RASGRF1: variants seen among roughly 807,000 people sequenced by gnomAD.
The protein encoded by RASGRF1 is ras-specific guanine nucleotide-releasing factor 1.
In RASGRF1, 40 loss-of-function variants were observed where a neutral mutation model predicts 138.7. The ratio of observed to expected loss-of-function variants is 0.29; its 90% CI spans 0.22 to 0.38. RASGRF1 has a LOEUF of 0.38. RASGRF1 is among the 10% of genes least tolerant of loss of function. The pLI is 1.00. For missense variants in RASGRF1, 1,108 were observed against 1,650.4 expected, an observed-to-expected ratio of 0.67 and a Z score of 5.69; for synonymous variants, 614 against 663.2, an observed-to-expected ratio of 0.93 and a Z score of 1.14.
In RASGRF1 at chr15:79,049,562, C is replaced by G; in HGVS notation, c.558G>C (p.Glu186Asp). The G allele has an allele frequency of 6.2e-7, 1 of 1,613,884 alleles. No homozygotes were observed. The highest frequency in any genetic ancestry group is 8.5e-7 in the Non-Finnish European group (1 of 1,179,934). The change falls in exon 4 of 27, where the codon GAG becomes GAC. Residue 186 changes from glutamate (E) to aspartate (D), a missense_variant. Transcript: ENST00000558480. Reference sequence around the variant, plus strand: ...CGACAGTCTGGGTGGACTGGATGCGCTCATTGTCCTTGAGCAGGGATGTGA... The same window carrying G: ...CGACAGTCTGGGTGGACTGGATGCGGTCATTGTCCTTGAGCAGGGATGTGA... ...AEITSLLKDN[E>D]RIQSTQTVAP...
intron 13 of RASGRF1, chr15:79,012,466 T>C (rs1405427831): frequency 2.0e-6 from 3 of 1,482,716 alleles, no homozygotes; most frequent in Middle Eastern, 1.7e-4. Flanking sequence ...AAACGATGAA[T>C]TTCCCGAGGA....
chr15:79,059,317 TCCTTC>T (rs1314330584), intron 2 of RASGRF1, among the ~76,000 whole-genome samples: 91 of 89,084 alleles, frequency 1.0e-3, no homozygotes, highest in Non-Finnish European at 1.5e-3. Context: ...CCCTTCCCTA[TCCTTC>T]CCTTCCCTTC....
rs987752735 is a variant in RASGRF1, at chr15:78,960,014, G to A, written c.*2130C>T. On this transcript the variant is annotated 3_prime_UTR_variant, in exon 27 of 27. Transcript: ENST00000558480. ...CCATTTTCATCCCCATTTTTCAGATGAGAACAGTGAAGCTCTGAGAGGTTA... is the reference window on the plus strand; with the variant it reads ...CCATTTTCATCCCCATTTTTCAGATAAGAACAGTGAAGCTCTGAGAGGTTA... The A allele has an allele frequency of 6.6e-6, 1 of 152,140 alleles. No individual in the cohort carries two copies. Among genetic ancestry groups the A allele is most frequent in the African/African-American group, 2.4e-5 (1 of 41,426 alleles). The allele number at this position is 152,140 out of a possible 1,614,324, so 9.4% of individuals were successfully genotyped here.
At chr15:78,986,349 CTCTT>C (rs1376370933) in intron 22 of RASGRF1, among the ~76,000 whole-genome samples, 1 of 151,286 alleles carries the variant, frequency 6.6e-6, no homozygotes, top group East Asian at 1.9e-4. Flanking sequence ...CTTTCTAAGA[CTCTT>C]TTTTTTTTTT....
intron 23 of RASGRF1, among the ~76,000 whole-genome samples, chr15:78,982,358 G>A (rs567773421): frequency 6.6e-6 from 1 of 152,296 alleles, no homozygotes; most frequent in South Asian, 2.1e-4. Flanking sequence ...CGTGCTTGCT[G>A]TGTATGGATG....
chr15:79,055,408 G>T lies in RASGRF1; in HGVS notation c.531+2926C>A, dbSNP rs980893274. Reference sequence around the variant, plus strand: ...AGGGGGACAGAGAGAGAAACAGAGAGAGAGAGAGACAGAGAGAGACCAAGA... The same window carrying T: ...AGGGGGACAGAGAGAGAAACAGAGATAGAGAGAGACAGAGAGAGACCAAGA... On this transcript the variant is annotated intron_variant, in intron 3 of 26. Coordinates refer to ENST00000558480, the MANE Select transcript of RASGRF1 (RefSeq NM_001145648.3). Among the ~76,000 whole-genome samples, 3 of 152,186 alleles carry T rather than the reference G, an allele frequency of 2.0e-5. 1 individual carries two copies. Among genetic ancestry groups the T allele is most frequent in the Admixed American group, 2.0e-4 (3 of 15,282 alleles).
At chr15:79,022,049 T>C (rs1220415005) in intron 10 of RASGRF1, among the ~76,000 whole-genome samples, 1 of 152,228 alleles carries the variant, frequency 6.6e-6, no homozygotes, top group Non-Finnish European at 1.5e-5. Context: ...GATGAGGCCA[T>C]GTGACTTGTC....
rs960180442 is a variant in RASGRF1 at position 79,064,651 on chromosome 15, T to C, written c.277-125A>G. ...CATCAGCTAGGCACAGATTCCTTGT[T>C]TGTGATAATCAGAATGCCATTCTAT... On this transcript the variant is annotated intron_variant, in intron 1 of 26. Transcript: ENST00000558480. 6.3e-5 allele frequency: 56 copies of C among 883,118 alleles called. 1 individual carries two copies. Among genetic ancestry groups the C allele is most frequent in the South Asian group, 5.1e-4 (36 of 70,764 alleles). The allele number at this position is 883,118 out of a possible 1,614,324, so 54.7% of individuals were successfully genotyped here.
intron 24 of RASGRF1, among the ~76,000 whole-genome samples, chr15:78,978,204 C>A (rs1340802132): frequency 7.4e-6 from 1 of 134,372 alleles, no homozygotes; most frequent in African/African-American, 3.2e-5. Context: ...TCTTCTTTTT[C>A]TTTTTCTTTT....
intron 4 of RASGRF1, among the ~76,000 whole-genome samples, chr15:79,048,058 G>A (rs1011265670): frequency 1.3e-5 from 2 of 152,306 alleles, no homozygotes; most frequent in East Asian, 3.9e-4. Flanking sequence ...AGCGATGGGA[G>A]GTGGATTTCA....
intron 13 of RASGRF1, among the ~76,000 whole-genome samples, chr15:79,011,984 C>T (rs2056803691): frequency 6.6e-6 from 1 of 151,854 alleles, no homozygotes; most frequent in Non-Finnish European, 1.5e-5. Context: ...CGACTGCACT[C>T]CAGCCTGGGT....
intron 20 of RASGRF1, 114 bp from the exon 21 acceptor site, chr15:78,991,908 C>G (rs1039239258): frequency 1.2e-4 from 83 of 695,646 alleles, no homozygotes; most frequent in East Asian, 2.4e-4. Flanking sequence ...GGCGGGTGGA[C>G]GGGGTATGAC....
chr15:79,014,886 C>CAGGCTGG (rs1400435800), intron 13 of RASGRF1, among the ~76,000 whole-genome samples: 1 of 149,998 alleles, frequency 6.7e-6, no homozygotes, highest in African/African-American at 2.5e-5. Context: ...CACTGTACTC[C>CAGGCTGG]AGCCTGGGTG....
At chr15:78,998,871 G>GA in intron 17 of RASGRF1, 46 bp from the exon 18 acceptor site, 4 of 1,484,360 alleles carry the variant, frequency 2.7e-6, no homozygotes, top group Non-Finnish European at 3.8e-6. Flanking sequence ...GTGAGGACAA[G>GA]AAACAGAGCT....
chr15:78,995,561 T>C (rs999316203), intron 20 of RASGRF1, among the ~76,000 whole-genome samples, 179 bp downstream of exon 20: 2 of 152,234 alleles, frequency 1.3e-5, no homozygotes, highest in Admixed American at 1.3e-4. Flanking sequence ...AGTGCTGGGA[T>C]TACAGGCATG....
At position 79,090,429 on chromosome 15, in the gene RASGRF1, T is replaced by C. The variant is rs1438284522; in HGVS notation, c.70A>G (p.Thr24Ala). The part of the protein sequence containing the change: ...SLGLLARKDG[T>A]RKGYLSKRSS... ...CGCTTGCTCAGGTAGCCTTTGCGCG[T>C]GCCGTCCTTGCGCGCCAGCAGTCCC... is the stretch of plus-strand genomic sequence containing the variant. Residue 24 changes from threonine (T) to alanine (A), a missense_variant, in exon 1 of 27, where the codon ACG (threonine) becomes GCG (alanine). Thr to Ala is a moderately conservative substitution (Grantham distance 58). Coordinates refer to ENST00000558480, the MANE Select transcript of RASGRF1 (RefSeq NM_001145648.3). 3.1e-6 allele frequency: 5 copies of C among 1,613,142 alleles called. No individual in the cohort carries two copies. The highest frequency in any genetic ancestry group is 2.2e-5 in the East Asian group (1 of 44,884).
chr15:78,975,515 CTT>C (rs55747212), intron 24 of RASGRF1, among the ~76,000 whole-genome samples: 48 of 140,418 alleles, frequency 3.4e-4, no homozygotes, highest in South Asian at 4.6e-4. Flanking sequence ...CTTTCTTTTT[CTT>C]TTTTTTTTTT....
chr15:79,083,006 T>G (rs747897921), intron 1 of RASGRF1, among the ~76,000 whole-genome samples: 15 of 152,168 alleles, frequency 9.9e-5, no homozygotes, highest in Non-Finnish European at 1.0e-4. Context: ...CCAAACAGCG[T>G]GTAGTTTAAC....
Position 78,994,451 on chromosome 15 carries a change from T to A in RASGRF1, c.3027+1289A>T, listed in dbSNP as rs372339916. On this transcript the variant is annotated intron_variant, in intron 20 of 26. Coordinates refer to ENST00000558480, the MANE Select transcript of RASGRF1 (RefSeq NM_001145648.3). ...CTCACGCTGGCTACTTCCAACAGAC[T>A]GAAGGTCACTCAACCAGCAAGGGGC... is the stretch of plus-strand genomic sequence containing the variant. Among the ~76,000 whole-genome samples, 474 of 152,328 alleles carry A rather than the reference T, an allele frequency of 3.1e-3. 3 individuals carry two copies. The highest frequency in any genetic ancestry group is 0.011 in the African/African-American group (452 of 41,574).
Sources: gnomAD v4.1 joint callset for allele counts (sites outside exome capture counted in the v4.1 genomes callset) on GRCh38, gnomAD v4.1.1 for gene constraint, MANE v1.5 for transcripts, NCBI Gene and HGNC (gene_info 2026-07-23, HGNC 2026-07-21) for gene names.